SH3GL2: variants seen among roughly 807,000 people sequenced by gnomAD.
SH3GL2 encodes endophilin-A1.
SH3GL2 carries 24 observed loss-of-function variants against 46.0 expected under a neutral mutation model. The observed-to-expected ratio is 0.52, with a 90% CI of 0.38 to 0.73. The LOEUF (loss-of-function observed/expected upper bound fraction) is 0.73, where lower values mean the gene tolerates loss of function less well. SH3GL2 is among the 30% of genes least tolerant of loss of function. The pLI is 0.00. For missense variants in SH3GL2, 413 were observed against 424.2 expected (o/e 0.97, Z 0.23); for synonymous variants, 196 against 147.1 (o/e 1.33, Z -2.40).
chr9:17,647,723 A>T (rs984859626), intron 1 of SH3GL2, among the ~76,000 whole-genome samples: 1 of 152,208 alleles, frequency 6.6e-6, no homozygotes, highest in Admixed American at 6.5e-5. Context: ...AATGATACAC[A>T]TAAAGGATTT....
In SH3GL2 at chr9:17,579,256, G is replaced by C; in HGVS notation, c.14G>C (p.Gly5Ala). The C allele has an allele frequency of 1.3e-6, 2 of 1,566,090 alleles. No homozygotes were observed. Among genetic ancestry groups the C allele is most frequent in the Non-Finnish European group, 1.7e-6 (2 of 1,157,518 alleles). The change falls in exon 1 of 9, where the codon GGC becomes GCC. Residue 5 changes from glycine (G) to alanine (A), a missense_variant. By Grantham distance (60) the Gly-to-Ala change is moderately conservative (BLOSUM62 0). Around this residue, in one of 3 missense-constraint regions of SH3GL2, gnomAD observed 160 missense variants for 192.3 expected, o/e 0.83. Transcript: ENST00000380607. MSVA[G>A]LKKQFHKATQ... ...GCCTCCTGCACCATGTCGGTGGCCG[G>C]CCTCAAGAAGCAGTTCCATAAAGCC...
intron 3 of SH3GL2, among the ~76,000 whole-genome samples, chr9:17,767,092 A>G (rs1588316091): frequency 6.6e-6 from 1 of 152,176 alleles, no homozygotes; most frequent in Non-Finnish European, 1.5e-5. Flanking sequence ...GTGATAATCT[A>G]ATACAAATTT....
chr9:17,600,435 A>G (rs1818649083), intron 1 of SH3GL2, among the ~76,000 whole-genome samples: 1 of 152,242 alleles, frequency 6.6e-6, no homozygotes, highest in South Asian at 2.1e-4. Flanking sequence ...GGAGACGGTT[A>G]AACAGCACAG....
chr9:17,716,206 T>C (rs1035930720), intron 1 of SH3GL2, among the ~76,000 whole-genome samples: 1 of 152,154 alleles, frequency 6.6e-6, no homozygotes, highest in African/African-American at 2.4e-5. Flanking sequence ...CTTTTTGTCA[T>C]TTGGATCTTT....
intron 1 of SH3GL2, among the ~76,000 whole-genome samples, chr9:17,584,240 C>A (rs1181165953): frequency 6.6e-6 from 1 of 152,196 alleles, no homozygotes; most frequent in Non-Finnish European, 1.5e-5. Context: ...GTGGCTCACT[C>A]CTGTAATCCC....
Position 17,751,750 on chromosome 9 carries a change from C to G in SH3GL2, c.114+4616C>G, listed in dbSNP as rs73414663. On this transcript the variant is annotated intron_variant, in intron 2 of 8. Coordinates refer to ENST00000380607, the MANE Select transcript of SH3GL2 (RefSeq NM_003026.5). ...ATGGGGAGAGAAAGGAGTAGAGTTT[C>G]AGCTGGAATGCTCTGAGCAACACGT... is the stretch of plus-strand genomic sequence containing the variant. Among the ~76,000 whole-genome samples, 1,107 of 152,210 alleles carry G rather than the reference C, an allele frequency of 7.3e-3. 15 individuals carry two copies. Among genetic ancestry groups the G allele is most frequent in the African/African-American group, 0.026 (1,064 of 41,522 alleles).
chr9:17,606,710 GT>G (rs1818767069), intron 1 of SH3GL2, among the ~76,000 whole-genome samples: 1 of 152,120 alleles, frequency 6.6e-6, no homozygotes, highest in Non-Finnish European at 1.5e-5. Context: ...GCCACCTTCT[GT>G]TTTCTTTCTC....
intron 1 of SH3GL2, among the ~76,000 whole-genome samples, chr9:17,691,849 T>G (rs1346316619): frequency 1.3e-5 from 2 of 152,174 alleles, no homozygotes; most frequent in East Asian, 3.9e-4. Flanking sequence ...CTTTTGACAG[T>G]TATTACAAAG....
intron 1 of SH3GL2, chr9:17,735,743 G>A: frequency 1.0e-6 from 1 of 978,810 alleles, no homozygotes; most frequent in African/African-American, 1.7e-5. Context: ...GTAGGAAATG[G>A]GAAGATAAAG....
chr9:17,737,395 T>G (rs1258374524), intron 1 of SH3GL2, among the ~76,000 whole-genome samples: 1 of 152,034 alleles, frequency 6.6e-6, no homozygotes, highest in Non-Finnish European at 1.5e-5. Context: ...TAAATAGAAT[T>G]TATCTGAGAA....
intron 1 of SH3GL2, among the ~76,000 whole-genome samples, chr9:17,679,257 T>C (rs1330161668): frequency 2.0e-5 from 3 of 152,192 alleles, no homozygotes; most frequent in Non-Finnish European, 4.4e-5. Context: ...ATTCTTCCTA[T>C]CCATGAGCAT....
intron 1 of SH3GL2, among the ~76,000 whole-genome samples, chr9:17,663,430 A>G (rs1470679857): frequency 1.3e-5 from 2 of 152,168 alleles, no homozygotes; most frequent in Non-Finnish European, 2.9e-5. Context: ...GCCATTATGC[A>G]TTCTGTTAGA....
intron 1 of SH3GL2, chr9:17,630,435 GT>G (rs1259544855): frequency 1.3e-5 from 2 of 152,188 alleles, no homozygotes; most frequent in East Asian, 3.9e-4. Context: ...GTACATAAGT[GT>G]TTTTCACCTT....
At chr9:17,713,914 C>G (rs1190693841) in intron 1 of SH3GL2, among the ~76,000 whole-genome samples, 1 of 151,556 alleles carries the variant, frequency 6.6e-6, no homozygotes, top group Non-Finnish European at 1.5e-5. Flanking sequence ...TAGGATAGTT[C>G]TAGTCTACTA....
At chr9:17,602,786 CT>C (rs3837232) in intron 1 of SH3GL2, among the ~76,000 whole-genome samples, 88,414 of 151,988 alleles carry the variant, frequency 0.58, 28,865 homozygotes, top group Non-Finnish European at 0.72. Context: ...ATAACAAGGA[CT>C]TCTATCACTG....
At chr9:17,627,180 A>C (rs556160625) in intron 1 of SH3GL2, among the ~76,000 whole-genome samples, 1 of 152,282 alleles carries the variant, frequency 6.6e-6, no homozygotes, top group Non-Finnish European at 1.5e-5. Flanking sequence ...ATAAAACGTC[A>C]GCTGCTGTTT....
chr9:17,754,243 G>A (rs1822926970), intron 2 of SH3GL2, among the ~76,000 whole-genome samples: 2 of 152,258 alleles, frequency 1.3e-5, no homozygotes, highest in South Asian at 2.1e-4. Context: ...AATAGGAATA[G>A]CATTGAATTC....
chr9:17,579,664 T>A (rs2134527710), intron 1 of SH3GL2, among the ~76,000 whole-genome samples: 1 of 152,254 alleles, frequency 6.6e-6, no homozygotes, highest in Non-Finnish European at 1.5e-5. Flanking sequence ...TCTTCACGGG[T>A]GACCTTGCGG....
intron 1 of SH3GL2, among the ~76,000 whole-genome samples, chr9:17,739,996 C>G (rs1306005514): frequency 2.0e-5 from 3 of 152,116 alleles, no homozygotes; most frequent in African/African-American, 4.8e-5. Context: ...ACTTAACTCA[C>G]TCAAACTCAT....
Sources: gnomAD v4.1 joint callset for allele counts (sites outside exome capture counted in the v4.1 genomes callset) on GRCh38, gnomAD v4.1.1 for gene constraint, gnomAD v4.1.1 regional missense constraint, MANE v1.5 for transcripts, NCBI Gene and HGNC (gene_info 2026-07-23, HGNC 2026-07-21) for gene names.